SNTG1: variants seen among roughly 807,000 people sequenced by gnomAD.
SNTG1 encodes syntrophin gamma 1.
Under a neutral mutation model 74.7 loss-of-function variants are expected in SNTG1, and 39 were observed. The observed-to-expected ratio is 0.52, with a 90% CI of 0.40 to 0.68. The LOEUF is 0.68. SNTG1 is among the 30% of genes least tolerant of loss of function. The pLI is 0.00. For missense variants in SNTG1, 685 were observed against 609.5 expected, an observed-to-expected ratio of 1.12 and a Z score of -1.30; for synonymous variants, 254 against 217.1, an observed-to-expected ratio of 1.17 and a Z score of -1.49.
chr8:50,771,667 A>C (rs973519240), intron 18 of SNTG1, among the ~76,000 whole-genome samples: 1 of 152,112 alleles, frequency 6.6e-6, no homozygotes, highest in Admixed American at 6.6e-5. Context: ...TAATAATCAA[A>C]ATAATGGGGA....
At chr8:50,357,710 C>T (rs2091857170) in intron 2 of SNTG1, among the ~76,000 whole-genome samples, 1 of 152,104 alleles carries the variant, frequency 6.6e-6, no homozygotes, top group Non-Finnish European at 1.5e-5. Flanking sequence ...CTCATGTCAC[C>T]TAGAATATTT....
At chr8:50,784,718 G>T (rs940977137) in intron 18 of SNTG1, among the ~76,000 whole-genome samples, 2 of 152,142 alleles carry the variant, frequency 1.3e-5, no homozygotes, top group African/African-American at 4.8e-5. Flanking sequence ...CCCAATTACA[G>T]AAGAACATAC....
intron 1 of SNTG1, among the ~76,000 whole-genome samples, chr8:50,127,577 C>T (rs1366869380): frequency 3.3e-5 from 5 of 152,132 alleles, no homozygotes; most frequent in Non-Finnish European, 7.4e-5. Flanking sequence ...TGGCAATTTT[C>T]CTGTAATAAC....
chr8:50,080,939 C>T (rs1302618011), intron 1 of SNTG1, among the ~76,000 whole-genome samples: 1 of 152,020 alleles, frequency 6.6e-6, no homozygotes, highest in Non-Finnish European at 1.5e-5. Context: ...ATCAATTTTG[C>T]TCCAACTTAT....
intron 9 of SNTG1, among the ~76,000 whole-genome samples, chr8:50,507,224 C>CA (rs1249690433): frequency 6.6e-6 from 1 of 151,780 alleles, no homozygotes; most frequent in African/African-American, 2.4e-5. Flanking sequence ...TAGTTGAATT[C>CA]AGTTTTTTAG....
At chr8:50,138,958 A>G (rs553683349) in intron 1 of SNTG1, among the ~76,000 whole-genome samples, 1 of 152,230 alleles carries the variant, frequency 6.6e-6, no homozygotes, top group Non-Finnish European at 1.5e-5. Context: ...TACTGAACTA[A>G]AGTCTAAAAG....
rs985747451 is a variant in SNTG1 at position 50,794,251 on chromosome 8, A to G, written c.*1422A>G. ...TTTTTCAAATATGTTTTTAAAAATCACTCAAGAAGGAAACAAAGTGATTTC... is the reference window on the plus strand; with the variant it reads ...TTTTTCAAATATGTTTTTAAAAATCGCTCAAGAAGGAAACAAAGTGATTTC... On this transcript the variant is annotated 3_prime_UTR_variant, in exon 19 of 19. Transcript: ENST00000642720. The G allele has an allele frequency of 2.3e-4, 35 of 152,002 alleles. No individual in the cohort carries two copies. The highest frequency in any genetic ancestry group is 4.4e-4 in the Non-Finnish European group (30 of 67,896). 9.4% of individuals were successfully genotyped at this position (152,002 alleles called of 1,614,324 possible). A position where few individuals can be genotyped will look rare whatever the true frequency, so the allele number is the denominator to read the frequency against.
chr8:50,576,160 T>C (rs1016041717), intron 12 of SNTG1, among the ~76,000 whole-genome samples: 4 of 152,206 alleles, frequency 2.6e-5, no homozygotes, highest in Non-Finnish European at 4.4e-5. Context: ...TTTTTGAATA[T>C]AATGTAATGG....
intron 1 of SNTG1, among the ~76,000 whole-genome samples, chr8:50,076,744 G>C (rs1821932286): frequency 6.6e-6 from 1 of 151,734 alleles, no homozygotes; most frequent in Non-Finnish European, 1.5e-5. Flanking sequence ...TGAGTTCCTT[G>C]GAAAAAAATA....
intron 13 of SNTG1, among the ~76,000 whole-genome samples, chr8:50,601,138 C>T (rs939883165): frequency 1.7e-4 from 15 of 90,472 alleles, no homozygotes; most frequent in Non-Finnish European, 2.4e-4. Flanking sequence ...AGCCTGGTGA[C>T]AGAGCCAGCG....
chr8:50,501,442 T>TG (rs2093953265), intron 8 of SNTG1, among the ~76,000 whole-genome samples: 1 of 133,428 alleles, frequency 7.5e-6, no homozygotes, highest in Non-Finnish European at 1.6e-5. Context: ...TTTTTTTTTT[T>TG]TTTTTTTTTT....
intron 2 of SNTG1, among the ~76,000 whole-genome samples, chr8:50,193,558 AG>A (rs1458843576): frequency 6.6e-6 from 1 of 152,136 alleles, no homozygotes; most frequent in African/African-American, 2.4e-5. Context: ...TATCAATTCT[AG>A]GAGCTTTCTG....
intron 1 of SNTG1, among the ~76,000 whole-genome samples, chr8:49,982,372 G>A (rs1261850450): frequency 6.6e-6 from 1 of 151,952 alleles, no homozygotes. Context: ...GGGCCCATCT[G>A]CTCCTTGGTA....
chr8:50,500,466 A>G (rs1224565222), intron 8 of SNTG1, among the ~76,000 whole-genome samples: 2 of 152,106 alleles, frequency 1.3e-5, no homozygotes, highest in Admixed American at 6.5e-5. Context: ...GTAATTTCTT[A>G]TGGCAACATT....
chr8:50,739,697 A>G (rs1274568255), intron 17 of SNTG1, among the ~76,000 whole-genome samples: 2 of 151,882 alleles, frequency 1.3e-5, no homozygotes, highest in Admixed American at 1.3e-4. Context: ...TAAAATAAAT[A>G]CAACGTGGCG....
At chr8:50,192,622 A>T (rs540791635) in intron 2 of SNTG1, among the ~76,000 whole-genome samples, 122 of 150,364 alleles carry the variant, frequency 8.1e-4, no homozygotes, top group African/African-American at 2.8e-3. Flanking sequence ...TTCTGCTGAC[A>T]TTCCTTTTGC....
At chr8:49,923,255 T>C (rs113831904) in intron 1 of SNTG1, among the ~76,000 whole-genome samples, 1 of 152,164 alleles carries the variant, frequency 6.6e-6, no homozygotes, top group Non-Finnish European at 1.5e-5. Flanking sequence ...TAATTCAATG[T>C]TGGGATTTTG....
intron 2 of SNTG1, among the ~76,000 whole-genome samples, chr8:50,361,492 G>A (rs2091957472): frequency 6.6e-6 from 1 of 152,118 alleles, no homozygotes; most frequent in Non-Finnish European, 1.5e-5. Context: ...TGGGATCTAT[G>A]GTTTCAAACC....
chr8:50,669,024 A>G (rs2095264784), intron 15 of SNTG1, among the ~76,000 whole-genome samples: 1 of 152,086 alleles, frequency 6.6e-6, no homozygotes, highest in Non-Finnish European at 1.5e-5. Context: ...AATCTCTGGG[A>G]CACATTCAAA....
Sources: gnomAD v4.1 joint callset for allele counts (sites outside exome capture counted in the v4.1 genomes callset) on GRCh38, gnomAD v4.1.1 for gene constraint, MANE v1.5 for transcripts, NCBI Gene and HGNC (gene_info 2026-07-23, HGNC 2026-07-21) for gene names.